Variants in FGF14 observed in about 807,000 individuals in gnomAD.
The protein encoded by FGF14 is fibroblast growth factor 14.
FGF14 carries 5 observed loss-of-function variants against 25.5 expected under a neutral mutation model. That is an observed-to-expected ratio of 0.20 (90% CI 0.10 to 0.41). The LOEUF (loss-of-function observed/expected upper bound fraction) is 0.41, where lower values mean the gene tolerates loss of function less well. FGF14 is among the 10% of genes least tolerant of loss of function. FGF14 has a pLI of 1.00. For missense variants in FGF14, 222 were observed against 320.1 expected (o/e 0.69, Z 2.34); for synonymous variants, 138 against 118.3 (o/e 1.17, Z -1.08).
At position 101,913,306 on chromosome 13, in the gene FGF14, G is replaced by A. The variant is rs572273799; in HGVS notation, c.193+3147C>T. On this transcript the variant is annotated intron_variant, in intron 1 of 4. Coordinates refer to ENST00000376143, the MANE Select transcript of FGF14 (RefSeq NM_004115.4). ...GGGTAGATGGAGCTGAATCTGGAAA[G>A]GTGGGTTGCAGTCATGCTGCCTACC... Among the ~76,000 whole-genome samples the A allele has an allele frequency of 5.3e-5, 8 of 152,230 alleles. No individual in the cohort carries two copies. The South Asian group carries it at 1.7e-3, about 32-fold the overall frequency.
intron 1 of FGF14, among the ~76,000 whole-genome samples, chr13:102,339,794 T>C (rs1008917543): frequency 3.3e-5 from 5 of 152,124 alleles, no homozygotes; most frequent in Non-Finnish European, 5.9e-5. Context: ...ATCCAAGAGA[T>C]AGAAGGTCCC....
In FGF14 at chr13:102,062,294, A is replaced by C. The variant is rs7317773; in HGVS notation, c.209-186998T>G. ...ACTTACTAGCAAATAATAAATACCC[A>C]AAATAAAATTCCAAAAAGGCCAAAA... On this transcript the variant is annotated intron_variant, in intron 1 of 4. Coordinates refer to the FGF14 transcript ENST00000376131. 5.4e-3 allele frequency among the ~76,000 whole-genome samples: 826 copies of C among 152,198 alleles called. 5 individuals carry two copies. Among genetic ancestry groups the C allele is most frequent in the African/African-American group, 0.018 (768 of 41,534 alleles).
chr13:101,824,276 A>G (rs1330450995), intron 3 of FGF14, among the ~76,000 whole-genome samples: 2 of 151,668 alleles, frequency 1.3e-5, no homozygotes, highest in African/African-American at 4.8e-5. Context: ...AGACATTGTT[A>G]TTTGCTTGGT....
intron 3 of FGF14, among the ~76,000 whole-genome samples, chr13:101,739,696 G>A (rs191310893): frequency 1.6e-4 from 25 of 152,292 alleles, no homozygotes; most frequent in Admixed American, 1.4e-3. Flanking sequence ...GTAGGATTTG[G>A]GATTTGGGTA....
At chr13:102,065,545 C>CA (rs2042867768) in intron 1 of FGF14, among the ~76,000 whole-genome samples, 1 of 151,770 alleles carries the variant, frequency 6.6e-6, no homozygotes, top group Non-Finnish European at 1.5e-5. Flanking sequence ...CAAAAAAGAG[C>CA]AAAAAATAGG....
intron 3 of FGF14, among the ~76,000 whole-genome samples, chr13:101,769,083 T>A (rs2038591803): frequency 6.6e-6 from 1 of 152,112 alleles, no homozygotes; most frequent in South Asian, 2.1e-4. Flanking sequence ...ATTTTAAATA[T>A]ACAAATATCT....
intron 1 of FGF14, among the ~76,000 whole-genome samples, chr13:101,999,068 G>C (rs780730018): frequency 5.9e-5 from 9 of 152,140 alleles, no homozygotes; most frequent in Non-Finnish European, 1.0e-4. Flanking sequence ...CAAATGCTAA[G>C]ACTAGGGAGA....
At chr13:101,968,469 C>T (rs1438225472) in intron 1 of FGF14, among the ~76,000 whole-genome samples, 3 of 151,782 alleles carry the variant, frequency 2.0e-5, no homozygotes, top group East Asian at 1.9e-4. Context: ...GTCAGGAGAT[C>T]GAGACCATCC....
At chr13:101,838,828 C>A (rs1433126682) in intron 3 of FGF14, among the ~76,000 whole-genome samples, 1 of 151,968 alleles carries the variant, frequency 6.6e-6, no homozygotes. Context: ...ACAATTTGTG[C>A]CAAGCAAAAA....
intron 3 of FGF14, among the ~76,000 whole-genome samples, chr13:101,801,032 C>A (rs2040840017): frequency 6.6e-6 from 1 of 152,148 alleles, no homozygotes; most frequent in African/African-American, 2.4e-5. Flanking sequence ...TGGGTGCCCG[C>A]AAGCAGGTGT....
chr13:102,027,858 G>A (rs999589492), intron 1 of FGF14, among the ~76,000 whole-genome samples: 6 of 152,042 alleles, frequency 3.9e-5, no homozygotes, highest in African/African-American at 9.6e-5. Flanking sequence ...CCATAGCAAC[G>A]TCTCTCGATG....
At chr13:102,061,495 A>G (rs1279746737) in intron 1 of FGF14, among the ~76,000 whole-genome samples, 1 of 152,284 alleles carries the variant, frequency 6.6e-6, no homozygotes, top group Non-Finnish European at 1.5e-5. Flanking sequence ...TATTCCAAAA[A>G]GACAAAAATA....
At chr13:101,847,459 T>C (rs895363081) in intron 3 of FGF14, among the ~76,000 whole-genome samples, 3 of 152,080 alleles carry the variant, frequency 2.0e-5, no homozygotes, top group African/African-American at 7.2e-5. Context: ...ACAAATGTAA[T>C]AGACAGTAAA....
Position 101,797,745 on chromosome 13 carries a change from G to A in FGF14, c.409-70935C>T, listed in dbSNP as rs1159753548. On this transcript the variant is annotated intron_variant, in intron 3 of 4. Coordinates refer to ENST00000376143, the MANE Select transcript of FGF14 (RefSeq NM_004115.4). ...GAATGTCATGAATTGATGTGTGTGT[G>A]TGTGTGTGTGTGTGTGTGTGTGTGT... is the stretch of plus-strand genomic sequence containing the variant. Among the ~76,000 whole-genome samples the A allele has an allele frequency of 1.4e-4, 20 of 144,856 alleles. 1 individual carries two copies. The South Asian group carries it at 2.1e-3, about 15-fold the overall frequency.
intron 1 of FGF14, among the ~76,000 whole-genome samples, chr13:101,948,795 C>T (rs1479954355): frequency 2.0e-5 from 3 of 152,096 alleles, no homozygotes; most frequent in Admixed American, 6.6e-5. Flanking sequence ...AAAATAAATA[C>T]AATCATCAAA....
At chr13:102,249,331 T>G (rs1017290831) in intron 1 of FGF14, among the ~76,000 whole-genome samples, 1 of 152,172 alleles carries the variant, frequency 6.6e-6, no homozygotes, top group Admixed American at 6.5e-5. Context: ...AGAAGGGATA[T>G]TCCTAAAGTG....
intron 3 of FGF14, among the ~76,000 whole-genome samples, chr13:101,832,952 A>G (rs1293117269): frequency 6.6e-6 from 1 of 151,996 alleles, no homozygotes; most frequent in Non-Finnish European, 1.5e-5. Context: ...AATTCTAGTC[A>G]ATTGTCTGTA....
chr13:102,397,231 A>T (rs905771008), intron 1 of FGF14, among the ~76,000 whole-genome samples: 11 of 152,146 alleles, frequency 7.2e-5, no homozygotes, highest in Admixed American at 3.3e-4. Flanking sequence ...GTAGCTTTTT[A>T]AAAAAACGTA....
At position 101,916,505 on chromosome 13, in the gene FGF14, G is replaced by A. The variant is rs2033511283; in HGVS notation, c.141C>T (p.Ile47=). 6.2e-7 allele frequency: 1 copy of A among 1,613,948 alleles called. No homozygotes were observed. Among genetic ancestry groups the A allele is most frequent in the African/African-American group, 1.3e-5 (1 of 75,068 alleles). The change falls in exon 1 of 5, where the codon ATC becomes ATT. Residue 47 remains isoleucine, a synonymous_variant. Coordinates refer to ENST00000376143, the MANE Select transcript of FGF14 (RefSeq NM_004115.4). ...RGLCNGNLVD[I]FSKVRIFGLK... The stretch of plus-strand genomic sequence containing the variant: ...GGCCGAAGATGCGCACTTTGGAGAA[G>A]ATATCCACCAGGTTGCCGTTGCAGA...
Sources: allele counts gnomAD v4.1 joint callset (sites outside exome capture counted in the v4.1 genomes callset), GRCh38; gene constraint gnomAD v4.1.1; transcripts MANE v1.5; gene names NCBI Gene and HGNC (gene_info 2026-07-23, HGNC 2026-07-21).